Variants in IDE observed in about 807,000 individuals in gnomAD.
IDE encodes insulin degrading enzyme, also known as insulin-degrading enzyme.
IDE carries 58 observed loss-of-function variants against 133.2 expected under a neutral mutation model. That is an observed-to-expected ratio of 0.44 (90% CI 0.35 to 0.54). IDE has a LOEUF of 0.54. Ranked by LOEUF, IDE falls within the 20% of genes least tolerant of loss-of-function variation. The pLI, the probability that IDE is intolerant of heterozygous loss-of-function variation, is 0.00. For synonymous variants in IDE, 396 were observed against 421.3 expected (o/e 0.94, Z 0.73); for missense variants, 981 against 1,234.0 (o/e 0.79, Z 3.07).
At chr10:92,488,505 C>T (rs903622914) in intron 12 of IDE, among the ~76,000 whole-genome samples, 5 of 152,048 alleles carry the variant, frequency 3.3e-5, no homozygotes, top group African/African-American at 4.8e-5. Context: ...AGGCCAGGCG[C>T]GGTGGCTCAC....
At chr10:92,570,106 C>CA (rs968794530) in intron 1 of IDE, among the ~76,000 whole-genome samples, 95 of 130,654 alleles carry the variant, frequency 7.3e-4, no homozygotes, top group East Asian at 1.5e-3. Flanking sequence ...GACTCAGTCT[C>CA]AAAAAAAAAA....
chr10:92,534,759 C>A lies in IDE; in HGVS notation c.310G>T (p.Ala104Ser), dbSNP rs368224999. The change falls in exon 3 of 25, where the codon GCT becomes TCT. Residue 104 changes from alanine (A) to serine (S), a missense_variant. Around this residue, in one of 2 missense-constraint regions of IDE, gnomAD observed 321 missense variants for 339.3 expected, o/e 0.95. Coordinates refer to ENST00000265986, the MANE Select transcript of IDE (RefSeq NM_004969.4). Reference sequence around the variant, plus strand: ...TGTTCACAAAAATGACTTAAGCCAGCAATATTTGGAGGATCCGACAATGAA... The same window carrying A: ...TGTTCACAAAAATGACTTAAGCCAGAAATATTTGGAGGATCCGACAATGAA... ...IGSLSDPPNI[A>S]GLSHFCEHML... is the part of the protein sequence containing the mutation. The A allele has an allele frequency of 6.2e-7, 1 of 1,613,446 alleles. No homozygotes were observed. Among genetic ancestry groups the A allele is most frequent in the Non-Finnish European group, 8.5e-7 (1 of 1,179,808 alleles).
intron 3 of IDE, 79 bp from the exon 4 acceptor site, chr10:92,531,996 A>T (rs554971882): frequency 9.9e-7 from 1 of 1,009,500 alleles, no homozygotes; most frequent in Non-Finnish European, 1.4e-6. Context: ...TTTGGAACTT[A>T]TTAGATAGGA....
chr10:92,471,394 A>G (rs1305707723), intron 17 of IDE, among the ~76,000 whole-genome samples: 1 of 152,196 alleles, frequency 6.6e-6, no homozygotes, highest in Non-Finnish European at 1.5e-5. Context: ...TCACACTATA[A>G]AGTAGCTACT....
intron 1 of IDE, among the ~76,000 whole-genome samples, chr10:92,555,914 C>A (rs796928036): frequency 9.9e-5 from 15 of 152,278 alleles, no homozygotes; most frequent in East Asian, 1.9e-4. Context: ...TGGCTCACGC[C>A]TGTAATCCCA....
At chr10:92,478,842 G>A in intron 15 of IDE, 1 of 1,020,112 alleles carries the variant, frequency 9.8e-7, no homozygotes, top group Non-Finnish European at 1.2e-6. Context: ...CAGTGGCATG[G>A]TAATGAAGAA....
intron 1 of IDE, among the ~76,000 whole-genome samples, chr10:92,555,497 CA>C (rs71306837): frequency 0.013 from 1,167 of 91,946 alleles, 8 homozygotes; most frequent in African/African-American, 0.037. Flanking sequence ...AACTTTGTCT[CA>C]AAAAAAAAAA....
chr10:92,470,932 G>A (rs1845932631), intron 17 of IDE, among the ~76,000 whole-genome samples: 1 of 152,036 alleles, frequency 6.6e-6, no homozygotes, highest in Non-Finnish European at 1.5e-5. Flanking sequence ...CACTGTAAAT[G>A]TATTATTTTA....
intron 1 of IDE, among the ~76,000 whole-genome samples, chr10:92,539,420 A>C (rs1842189972): frequency 6.6e-6 from 1 of 152,226 alleles, no homozygotes; most frequent in Non-Finnish European, 1.5e-5. Context: ...CTATGTTAGT[A>C]GGTCACTGTT....
chr10:92,487,192 T>C lies in IDE; in HGVS notation c.1656+4A>G. On this transcript the variant is annotated splice_donor_region_variant and intron_variant, in intron 13 of 24. Coordinates refer to ENST00000265986, the MANE Select transcript of IDE (RefSeq NM_004969.4). ...ATTTAAAATCACTGATTCAAACACA[T>C]TACCTTAATAAGAGCAGGGTATGGT... 1.2e-6 allele frequency: 2 copies of C among 1,608,640 alleles called. No homozygotes were observed. Among genetic ancestry groups the C allele is most frequent in the Non-Finnish European group, 1.7e-6 (2 of 1,178,450 alleles).
chr10:92,510,849 GATAT>G (rs954222259), intron 5 of IDE, among the ~76,000 whole-genome samples: 2 of 149,910 alleles, frequency 1.3e-5, no homozygotes, highest in Non-Finnish European at 3.0e-5. Flanking sequence ...TCACACATAT[GATAT>G]ATATCACATA....
Position 92,530,042 on chromosome 10 carries a change from A to ATGGAGAAACCCCG in IDE, c.661+1693_661+1705dup, listed in dbSNP as rs1849829575. 4.6e-5 allele frequency among the ~76,000 whole-genome samples: 7 copies of ATGGAGAAACCCCG among 152,064 alleles called. No homozygotes were observed. The South Asian group carries it at 1.5e-3, about 32-fold the overall frequency. Reference sequence around the variant, plus strand: ...GGATTTTGAGACCAGCCTGACCAACATGGAGAAACCCCGCCTCTACTAAAA... The same window carrying ATGGAGAAACCCCG: ...GGATTTTGAGACCAGCCTGACCAACATGGAGAAACCCCGTGGAGAAACCCCGCCTCTACTAAAA... On this transcript the variant is annotated intron_variant, in intron 4 of 24. Transcript: ENST00000265986.
chr10:92,549,896 C>G (rs1842702671), intron 1 of IDE, among the ~76,000 whole-genome samples: 1 of 152,046 alleles, frequency 6.6e-6, no homozygotes, highest in Non-Finnish European at 1.5e-5. Flanking sequence ...GTTTAACACT[C>G]CACCAAGTTA....
chr10:92,493,349 G>C (rs1847478345), intron 11 of IDE, among the ~76,000 whole-genome samples: 1 of 151,592 alleles, frequency 6.6e-6, no homozygotes, highest in Non-Finnish European at 1.5e-5. Context: ...AGAAGAATCT[G>C]GCAGATGGTC....
At chr10:92,540,343 C>T (rs1449910160) in intron 1 of IDE, among the ~76,000 whole-genome samples, 1 of 151,838 alleles carries the variant, frequency 6.6e-6, no homozygotes, top group Non-Finnish European at 1.5e-5. Flanking sequence ...CAGTTTGTTT[C>T]AAAAACATTA....
intron 1 of IDE, among the ~76,000 whole-genome samples, chr10:92,552,510 G>A (rs1842830265): frequency 2.0e-5 from 3 of 152,228 alleles, no homozygotes; most frequent in South Asian, 2.1e-4. Context: ...GCCACTAGAA[G>A]CAATGACACC....
At chr10:92,507,041 G>A (rs1013831011) in intron 9 of IDE, among the ~76,000 whole-genome samples, 4 of 151,776 alleles carry the variant, frequency 2.6e-5, no homozygotes, top group African/African-American at 4.8e-5. Flanking sequence ...TTTAAAGCAC[G>A]TATTTTTAAA....
At chr10:92,483,358 G>A (rs1413553612) in intron 13 of IDE, 21 bp from the exon 14 acceptor site, 1 of 1,456,616 alleles carries the variant, frequency 6.9e-7, no homozygotes, top group Admixed American at 1.7e-5. Context: ...GAAACAATTT[G>A]GTTAGGGAAA....
At chr10:92,496,036 G>A (rs571763822) in intron 11 of IDE, among the ~76,000 whole-genome samples, 4 of 151,674 alleles carry the variant, frequency 2.6e-5, no homozygotes, top group Non-Finnish European at 4.4e-5. Flanking sequence ...CACCATGCCC[G>A]GCTAATTTTT....
Sources: allele counts gnomAD v4.1 joint callset (sites outside exome capture counted in the v4.1 genomes callset), GRCh38; gene constraint gnomAD v4.1.1; regional missense constraint gnomAD v4.1.1; transcripts MANE v1.5; gene names NCBI Gene and HGNC (gene_info 2026-07-23, HGNC 2026-07-21).